The following CDC42BPG variants were observed in gnomAD, a reference collection of about 807,000 sequenced individuals.
The protein encoded by CDC42BPG is serine/threonine-protein kinase MRCK gamma.
Under a neutral mutation model 192.2 loss-of-function variants are expected in CDC42BPG, and 157 were observed. The observed-to-expected ratio is 0.82, with a 90% CI of 0.72 to 0.93. The LOEUF (loss-of-function observed/expected upper bound fraction) is 0.93, where lower values mean the gene tolerates loss of function less well. Among genes scored for constraint, CDC42BPG ranks in the 40% least tolerant of loss-of-function variants. The pLI is 0.00. For missense variants in CDC42BPG, 1,992 were observed against 2,122.1 expected (o/e 0.94, Z 1.20); for synonymous variants, 981 against 918.5 (o/e 1.07, Z -1.23).
Position 64,839,550 on chromosome 11 carries a change from G to A in CDC42BPG, c.603C>T (p.Val201=). 1.2e-6 allele frequency: 2 copies of A among 1,612,722 alleles called. No homozygotes were observed. Among genetic ancestry groups the A allele is most frequent in the Non-Finnish European group, 1.7e-6 (2 of 1,179,866 alleles). Residue 201 remains valine (V), a synonymous_variant, in exon 6 of 37, where the codon GTC becomes GTT. Coordinates refer to ENST00000342711, the MANE Select transcript of CDC42BPG (RefSeq NM_017525.3). Reference sequence around the variant, plus strand: ...GAATGTGCCCGTTCACATCCAGCAGGACGTTGTCTGGCTTGACATCCCTGG... The same window carrying A: ...GAATGTGCCCGTTCACATCCAGCAGAACGTTGTCTGGCTTGACATCCCTGG... ...YVHRDVKPDN[V]LLDVNGHIRL...
intron 3 of CDC42BPG, among the ~76,000 whole-genome samples, chr11:64,840,852 G>A (rs1943250605): frequency 6.6e-6 from 1 of 151,486 alleles, no homozygotes; most frequent in African/African-American, 2.4e-5. Context: ...TGGAAAATGG[G>A]AACGACTCTG....
chr11:64,826,244 A>G (rs1190831637), intron 36 of CDC42BPG, among the ~76,000 whole-genome samples: 1 of 152,194 alleles, frequency 6.6e-6, no homozygotes, highest in African/African-American at 2.4e-5. Flanking sequence ...AGAGCCACAC[A>G]GCTGGAACAG....
intron 8 of CDC42BPG, 58 bp downstream of exon 8, chr11:64,838,596 C>T (rs1163767125): frequency 3.1e-6 from 5 of 1,595,146 alleles, no homozygotes; most frequent in Admixed American, 1.7e-5. Flanking sequence ...AGGGAGGGTT[C>T]CCCCAGCCAA....
chr11:64,836,030 A>G (rs1942968458), intron 13 of CDC42BPG, 87 bp downstream of exon 13: 4 of 1,438,386 alleles, frequency 2.8e-6, no homozygotes, highest in Non-Finnish European at 3.7e-6. Flanking sequence ...ACCGGGAGGC[A>G]GCATCTCCCA....
chr11:64,830,274 A>G lies in CDC42BPG; in HGVS notation c.3305-18T>C, dbSNP rs1942624461. 2 of 1,592,282 alleles carry G rather than the reference A, an allele frequency of 1.3e-6. No individual in the cohort carries two copies. The highest frequency in any genetic ancestry group is 1.7e-6 in the Non-Finnish European group (2 of 1,168,562). ...ATCCTGGTCTGGTAGAGGGAGGCAG[A>G]GGGTCAGAGGTCAGCAGTCCCACTC... On this transcript the variant is annotated intron_variant, in intron 28 of 36. Transcript: ENST00000342711.
Position 64,833,211 on chromosome 11 carries a change from T to G in CDC42BPG, c.2731+20A>C, listed in dbSNP as rs748325487. The G allele has an allele frequency of 6.6e-7, 1 of 1,518,946 alleles. No individual in the cohort carries two copies. The highest frequency in any genetic ancestry group is 2.0e-5 in the Admixed American group (1 of 50,934). 94.1% of individuals were successfully genotyped at this position (1,518,946 alleles called of 1,614,324 possible). ...CACACCTGGGACCGTGGCTGGAGCATAGTGGGTGGGGACTCTCACCATCAC... is the reference window on the plus strand; with the variant it reads ...CACACCTGGGACCGTGGCTGGAGCAGAGTGGGTGGGGACTCTCACCATCAC... On this transcript the variant is annotated intron_variant, in intron 24 of 36. Transcript: ENST00000342711.
In CDC42BPG at chr11:64,830,057, C is replaced by T. The variant is rs751661902; in HGVS notation, c.3381G>A (p.Val1127=). ...IHLRSNDIFQ[V]GECRRVQQLT... ...GCTGCTGCACGCGCCGGCACTCCCC[C>T]ACCTGGAAGATGTCTGCAGGGTTGG... The change falls in exon 30 of 37, where the codon GTG becomes GTA. Residue 1127 remains valine, a synonymous_variant. Coordinates refer to ENST00000342711, the MANE Select transcript of CDC42BPG (RefSeq NM_017525.3). 3.1e-6 allele frequency: 5 copies of T among 1,612,648 alleles called. No individual in the cohort carries two copies. Among genetic ancestry groups the T allele is most frequent in the Non-Finnish European group, 3.4e-6 (4 of 1,179,460 alleles).
Position 64,840,249 on chromosome 11 carries a change from T to C in CDC42BPG, c.452A>G (p.Tyr151Cys), listed in dbSNP as rs772564754. ...EEYLYLVMDYYAGGDLLTLLS... is the reference protein window; with the variant it reads ...EEYLYLVMDYCAGGDLLTLLS... ...CAGCGTCAGGAGGTCCCCACCAGCA[T>C]AGTAGTCCATCACAAGGTACTGGAG... Residue 151 changes from tyrosine to cysteine, a missense_variant, in exon 5 of 37, where the codon TAT (tyrosine) becomes TGT (cysteine). Tyr to Cys is a radical substitution (Grantham distance 194). This residue lies in a region of CDC42BPG where 1,656 missense variants were observed against 1,844.3 expected (regional missense o/e 0.90). Coordinates refer to ENST00000342711, the MANE Select transcript of CDC42BPG (RefSeq NM_017525.3). 4 of 1,612,222 alleles carry C rather than the reference T, an allele frequency of 2.5e-6. No individual in the cohort carries two copies. The highest frequency in any genetic ancestry group is 3.4e-6 in the Non-Finnish European group (4 of 1,179,964).
Position 64,836,743 on chromosome 11 carries a change from C to T in CDC42BPG, c.1380G>A (p.Leu460=), listed in dbSNP as rs866702092. The T allele has an allele frequency of 5.1e-6, 7 of 1,371,668 alleles. No individual in the cohort carries two copies. The highest frequency in any genetic ancestry group is 1.3e-5 in the South Asian group (1 of 74,966). 85.0% of individuals were successfully genotyped at this position (1,371,668 alleles called of 1,614,324 possible). ...RKEVQTLRDR[L]PEMLRDKASL... ...GGGGGTGGGCGGAAGGGATACCTGG[C>T]AGCCTGTCCCGCAGAGTCTGCACTT... The change falls in exon 11 of 37, where the codon CTG becomes CTA. Residue 460 remains leucine (L), a synonymous_variant. Transcript: ENST00000342711.
intron 35 of CDC42BPG, 47 bp from the exon 36 acceptor site, chr11:64,826,602 C>A: frequency 6.3e-7 from 1 of 1,591,708 alleles, no homozygotes; most frequent in Non-Finnish European, 8.6e-7. Context: ...GATCAGATTT[C>A]AGGGATCCAA....
chr11:64,829,512 C>A lies in CDC42BPG; in HGVS notation c.3926G>T (p.Arg1309Leu), dbSNP rs771014382. 6.2e-7 allele frequency: 1 copy of A among 1,612,944 alleles called. No homozygotes were observed. The highest frequency in any genetic ancestry group is 8.5e-7 in the Non-Finnish European group (1 of 1,179,926). The change falls in exon 30 of 37, where the codon CGT (arginine) becomes CTT (leucine). Residue 1309 changes from arginine to leucine, a missense_variant. By Grantham distance (102) the Arg-to-Leu change is moderately radical. This residue lies in a region of CDC42BPG where 1,656 missense variants were observed against 1,844.3 expected (regional missense o/e 0.90). Coordinates refer to ENST00000342711, the MANE Select transcript of CDC42BPG (RefSeq NM_017525.3). ...IYVDGAGRKS[R>L]GHELLWPAAP... ...TGCTGGCCACAACAGCTCGTGGCCA[C>A]GAGACTTGCGGCCTGCGCCATCCAC... is the stretch of plus-strand genomic sequence containing the variant.
At chr11:64,838,560 C>A (rs1943128162) in intron 8 of CDC42BPG, 94 bp downstream of exon 8, 1 of 1,527,236 alleles carries the variant, frequency 6.5e-7, no homozygotes, top group African/African-American at 1.4e-5. Context: ...AAGGCCTCAC[C>A]CCCAGCCCAC....
rs573492925 is a variant in CDC42BPG, at chr11:64,823,196, C to T, written c.*1277G>A. On this transcript the variant is annotated 3_prime_UTR_variant, in exon 37 of 37. Coordinates refer to ENST00000342711, the MANE Select transcript of CDC42BPG (RefSeq NM_017525.3). ...CCGCCTCCCGGGTTCACGCCATTCT[C>T]CTGCCTCAGCCTCCCGAGTAGCAGG... Among the ~76,000 whole-genome samples the T allele has an allele frequency of 2.1e-4, 32 of 151,678 alleles. No individual in the cohort carries two copies. The East Asian group carries it at 2.7e-3, about 13-fold the overall frequency.
chr11:64,843,013 G>A (rs550071487), intron 1 of CDC42BPG, among the ~76,000 whole-genome samples: 2 of 152,212 alleles, frequency 1.3e-5, no homozygotes, highest in East Asian at 1.9e-4. Context: ...CTGGGGAGGA[G>A]CAGCCCCGGG....
intron 30 of CDC42BPG, among the ~76,000 whole-genome samples, chr11:64,828,947 G>C (rs1942558428): frequency 6.6e-6 from 1 of 152,152 alleles, no homozygotes; most frequent in Non-Finnish European, 1.5e-5. Flanking sequence ...CTACTAGGGA[G>C]GCTGAGGCAG....
intron 13 of CDC42BPG, 59 bp downstream of exon 13, chr11:64,836,058 C>T: frequency 6.6e-7 from 1 of 1,512,420 alleles, no homozygotes. Flanking sequence ...CCCCATGCTC[C>T]CTCCAGGCAC....
At chr11:64,827,239 G>C (rs897039597) in intron 33 of CDC42BPG, 39 bp downstream of exon 33, 1 of 1,612,986 alleles carries the variant, frequency 6.2e-7, no homozygotes, top group Non-Finnish European at 8.5e-7. Flanking sequence ...AGCGGAGGCG[G>C]CCCCACCCAG....
intron 23 of CDC42BPG, 62 bp from the exon 24 acceptor site, chr11:64,833,398 G>T: frequency 1.9e-6 from 2 of 1,040,350 alleles, no homozygotes; most frequent in Non-Finnish European, 2.8e-6. Flanking sequence ...TCCCTGAGGG[G>T]TCAGGAAAGA....
chr11:64,842,575 C>T (rs1281688547), intron 1 of CDC42BPG, among the ~76,000 whole-genome samples: 2 of 152,186 alleles, frequency 1.3e-5, no homozygotes, highest in African/African-American at 4.8e-5. Flanking sequence ...AGCACTAGCC[C>T]CTGAAGGCGT....
Sources: allele counts gnomAD v4.1 joint callset (sites outside exome capture counted in the v4.1 genomes callset), GRCh38; gene constraint gnomAD v4.1.1; regional missense constraint gnomAD v4.1.1; transcripts MANE v1.5; gene names NCBI Gene and HGNC (gene_info 2026-07-23, HGNC 2026-07-21).